Variants in GCLC observed in about 807,000 individuals in gnomAD.
The protein encoded by GCLC is glutamate--cysteine ligase catalytic subunit.
Under a neutral mutation model 81.5 loss-of-function variants are expected in GCLC, and 30 were observed. That is an observed-to-expected ratio of 0.37 (90% CI 0.28 to 0.50). GCLC has a LOEUF of 0.50. GCLC is among the 20% of genes least tolerant of loss of function. The pLI, the probability that GCLC is intolerant of heterozygous loss-of-function variation, is 0.96. For missense variants in GCLC, 556 were observed against 777.4 expected (o/e 0.72, Z 3.39); for synonymous variants, 262 against 273.3 (o/e 0.96, Z 0.41).
In GCLC at chr6:53,518,386, G is replaced by T. The variant is rs1762924992; in HGVS notation, c.447-2164C>A. On this transcript the variant is annotated intron_variant, in intron 3 of 15. Transcript: ENST00000650454. ...CTGCCTCAGCCTCCGGAGTAGCTGGGATTACAGGCGCATGCCACCATACCT... is the reference window on the plus strand; with the variant it reads ...CTGCCTCAGCCTCCGGAGTAGCTGGTATTACAGGCGCATGCCACCATACCT... 2.0e-5 allele frequency among the ~76,000 whole-genome samples: 3 copies of T among 152,128 alleles called. No individual in the cohort carries two copies. The South Asian group carries it at 6.2e-4, about 32-fold the overall frequency.
At chr6:53,513,284 AC>A in intron 6 of GCLC, 1 of 152,312 alleles carries the variant, frequency 6.6e-6, no homozygotes, top group Non-Finnish European at 1.5e-5. Flanking sequence ...GAGGGGTCTT[AC>A]ATGGGTCCAG....
At chr6:53,541,199 A>T (rs763119234) in intron 1 of GCLC, among the ~76,000 whole-genome samples, 7 of 152,132 alleles carry the variant, frequency 4.6e-5, no homozygotes, top group Non-Finnish European at 8.8e-5. Flanking sequence ...CTGGGTGACA[A>T]GAGCGAGACT....
Position 53,498,679 on chromosome 6 carries a change from TTA to T in GCLC, c.*75_*76del, listed in dbSNP as rs1244434311. The stretch of plus-strand genomic sequence containing the variant: ...ACAGTTCTATCATTTGGTCTTCATA[TTA>T]TACACACGGGCTGGCTGAGAGGCAT... On this transcript the variant is annotated 3_prime_UTR_variant, in exon 16 of 16. Coordinates refer to ENST00000650454, the MANE Select transcript of GCLC (RefSeq NM_001498.4). 1.1e-6 allele frequency: 1 copy of T among 887,352 alleles called. No homozygotes were observed. Among genetic ancestry groups the T allele is most frequent in the Non-Finnish European group, 1.8e-6 (1 of 547,034 alleles). The allele number at this position is 887,352 out of a possible 1,614,324, so 55.0% of individuals were successfully genotyped here.
At chr6:53,508,515 T>C in intron 8 of GCLC, 80 bp downstream of exon 8, 2 of 867,296 alleles carry the variant, frequency 2.3e-6, no homozygotes, top group Non-Finnish European at 4.0e-6. Flanking sequence ...CAGGGAGACA[T>C]CCTGAAATTG....
At chr6:53,504,119 T>C (rs746141083) in intron 12 of GCLC, among the ~76,000 whole-genome samples, 1 of 152,200 alleles carries the variant, frequency 6.6e-6, no homozygotes, top group African/African-American at 2.4e-5. Context: ...GGACGATCAT[T>C]TCAGCCCAGG....
At chr6:53,512,059 A>AT (rs1764763584) in intron 6 of GCLC, among the ~76,000 whole-genome samples, 1 of 149,504 alleles carries the variant, frequency 6.7e-6, no homozygotes, top group Non-Finnish European at 1.5e-5. Context: ...AGCGTTTCTC[A>AT]TGCCTCAGAC....
Position 53,541,253 on chromosome 6 carries a change from A to G in GCLC, c.150+3243T>C, listed in dbSNP as rs1763349409. ...AAAAAGAAATGTAGAGAGGTACCAC[A>G]ATGGAGAATTAGTATCTGCATCCCA... is the stretch of plus-strand genomic sequence containing the variant. On this transcript the variant is annotated intron_variant, in intron 1 of 15. Transcript: ENST00000650454. 2.0e-5 allele frequency among the ~76,000 whole-genome samples: 3 copies of G among 152,166 alleles called. 1 individual carries two copies. Among genetic ancestry groups the G allele is most frequent in the Non-Finnish European group, 1.5e-5 (1 of 68,024 alleles).
intron 4 of GCLC, among the ~76,000 whole-genome samples, chr6:53,515,384 T>C (rs1249048567): frequency 6.6e-6 from 1 of 152,256 alleles, no homozygotes; most frequent in Non-Finnish European, 1.5e-5. Context: ...GCAGCTGAAT[T>C]ATTTTTATTT....
intron 12 of GCLC, among the ~76,000 whole-genome samples, chr6:53,504,259 G>A (rs553676805): frequency 5.8e-4 from 88 of 151,796 alleles, no homozygotes; most frequent in African/African-American, 1.9e-3. Flanking sequence ...CAATGTTGTC[G>A]GGGCTGCACT....
intron 1 of GCLC, among the ~76,000 whole-genome samples, chr6:53,536,572 T>C (rs1307061379): frequency 6.6e-6 from 1 of 152,222 alleles, no homozygotes; most frequent in Admixed American, 6.5e-5. Context: ...ATACCAGCAA[T>C]ATCAGTAATG....
intron 12 of GCLC, among the ~76,000 whole-genome samples, chr6:53,502,160 T>C (rs1284280909): frequency 6.6e-6 from 1 of 152,242 alleles, no homozygotes; most frequent in East Asian, 1.9e-4. Flanking sequence ...ATCTTACTCA[T>C]GGCATTTGAA....
rs1763418611 is a variant in GCLC, at chr6:53,544,669, C to CCTCCTT, written c.-25_-24insAAGGAG. The CCTCCTT allele has an allele frequency of 2.5e-6, 4 of 1,580,320 alleles. No individual in the cohort carries two copies. In the South Asian group the frequency reaches 3.4e-5, roughly 13 times the overall value. On this transcript the variant is annotated 5_prime_UTR_variant, in exon 1 of 16. Transcript: ENST00000650454. ...ATGGCCGCCCCCTCCTCCTCCTCCT[C>CCTCCTT]CTCCTCCGGGCTGACGGCGGTCGCC...
rs1377774057 is a variant in GCLC, at chr6:53,514,285, A to C, written c.672T>G (p.Asp224Glu). Residue 224 changes from aspartate (D) to glutamate (E), a missense_variant, in exon 6 of 16, where the codon GAT becomes GAG. Coordinates refer to ENST00000650454, the MANE Select transcript of GCLC (RefSeq NM_001498.4). ...PSPFIETFTE[D>E]DEASRASKPD... ...GCTTAGAAGCCCTTGAAGCTTCATCATCCTCAGTAAATGTTTCTATAAATG... is the reference window on the plus strand; with the variant it reads ...GCTTAGAAGCCCTTGAAGCTTCATCCTCCTCAGTAAATGTTTCTATAAATG... The C allele has an allele frequency of 2.5e-6, 4 of 1,604,194 alleles. No individual in the cohort carries two copies. The East Asian group carries it at 6.7e-5, about 27-fold the overall frequency.
At chr6:53,531,428 A>G (rs1763170511) in intron 1 of GCLC, among the ~76,000 whole-genome samples, 1 of 152,164 alleles carries the variant, frequency 6.6e-6, no homozygotes, top group African/African-American at 2.4e-5. Context: ...AGTCAGGAAG[A>G]CCATGGTCCT....
intron 1 of GCLC, among the ~76,000 whole-genome samples, chr6:53,532,889 C>A (rs961997449): frequency 3.9e-5 from 6 of 152,172 alleles, no homozygotes; most frequent in Non-Finnish European, 5.9e-5. Context: ...AAACTCTAAC[C>A]ATAAAACAGA....
intron 9 of GCLC, 197 bp from the exon 10 acceptor site, chr6:53,507,222 A>G: frequency 1.5e-6 from 1 of 660,136 alleles, no homozygotes; most frequent in East Asian, 2.7e-5. Flanking sequence ...CGTTTTATTC[A>G]CTACTTACAC....
At position 53,497,539 on chromosome 6, in the gene GCLC, A is replaced by T. The variant is rs1764393356; in HGVS notation, c.*1217T>A. The T allele has an allele frequency of 6.6e-6, 1 of 152,544 alleles. No individual in the cohort carries two copies. Among genetic ancestry groups the T allele is most frequent in the Non-Finnish European group, 1.5e-5 (1 of 68,022 alleles). The allele number at this position is 152,544 out of a possible 1,614,324, so 9.4% of individuals were successfully genotyped here. On this transcript the variant is annotated 3_prime_UTR_variant, in exon 16 of 16. Coordinates refer to ENST00000650454, the MANE Select transcript of GCLC (RefSeq NM_001498.4). ...AAACAGGGTTAGCTGAAGCAGCTTT[A>T]TTGCAATCTCTTCAAGTTAGCATAT...
chr6:53,505,678 CTACCATGCACA>C, intron 11 of GCLC, 114 bp downstream of exon 11: 2 of 760,730 alleles, frequency 2.6e-6, no homozygotes, highest in Non-Finnish European at 4.7e-6. Context: ...GACTGACTTG[CTACCATGCACA>C]TACTTAATTT....
chr6:53,513,552 A>G (rs1764798965), intron 6 of GCLC: 1 of 152,338 alleles, frequency 6.6e-6, no homozygotes, highest in Non-Finnish European at 1.5e-5. Flanking sequence ...TGACAGAGCC[A>G]AAAGCCAACT....
Sources: gnomAD v4.1 joint callset for allele counts (sites outside exome capture counted in the v4.1 genomes callset) on GRCh38, gnomAD v4.1.1 for gene constraint, MANE v1.5 for transcripts, NCBI Gene and HGNC (gene_info 2026-07-23, HGNC 2026-07-21) for gene names.